ANK2: variants seen among roughly 807,000 people sequenced by gnomAD.
The protein encoded by ANK2 is ankyrin 2.
Under a neutral mutation model 360.5 loss-of-function variants are expected in ANK2, and 83 were observed. The ratio of observed to expected loss-of-function variants is 0.23; its 90% CI spans 0.19 to 0.28. ANK2 has a LOEUF of 0.28. ANK2 is among the 10% of genes least tolerant of loss of function. The probability of loss-of-function intolerance (pLI) is 1.00; values close to 1 mark genes in which losing one functional copy is unlikely to be tolerated. For synonymous variants in ANK2, 1,740 were observed against 1,759.5 expected, an observed-to-expected ratio of 0.99 and a Z score of 0.28; for missense variants, 4,201 against 4,795.7, an observed-to-expected ratio of 0.88 and a Z score of 3.66.
intron 2 of ANK2, among the ~76,000 whole-genome samples, chr4:112,982,054 T>G (rs1303144679): frequency 6.6e-6 from 1 of 152,106 alleles, no homozygotes; most frequent in Non-Finnish European, 1.5e-5. Context: ...CTAGTTAAAC[T>G]GAGACAAGGT....
At chr4:112,737,998 A>C in the ANK2 span, among the ~76,000 whole-genome samples, 1 of 152,226 alleles carries the variant, frequency 6.6e-6, no homozygotes, top group Non-Finnish European at 1.5e-5. Flanking sequence ...CATTCATCTA[A>C]CATAAATATT....
intron 22 of ANK2, among the ~76,000 whole-genome samples, chr4:113,295,714 A>G (rs187734422): frequency 2.6e-5 from 4 of 152,320 alleles, no homozygotes; most frequent in Admixed American, 2.0e-4. Flanking sequence ...TTCTCCTTTC[A>G]GTTAGGACAC....
intron 1 of ANK2, among the ~76,000 whole-genome samples, chr4:113,114,819 C>T (rs539952147): frequency 1.3e-5 from 2 of 152,164 alleles, no homozygotes; most frequent in African/African-American, 4.8e-5. Flanking sequence ...GATAGTGTAT[C>T]AGCAGATTCT....
rs771120428 is a variant in ANK2 at position 113,354,774 on chromosome 4, A to C, written c.6156A>C (p.Arg2052=). 4 of 1,613,912 alleles carry C rather than the reference A, an allele frequency of 2.5e-6. No individual in the cohort carries two copies. The highest frequency in any genetic ancestry group is 3.4e-6 in the Non-Finnish European group (4 of 1,179,986). ...AQKTENQTIK[R]GQRLPVTGTA... The stretch of plus-strand genomic sequence containing the variant: ...AAACAGAGAATCAGACAATCAAACG[A>C]GGCCAGAGACTCCCGGTAACGGGCA... The change falls in exon 38 of 46, where the codon CGA becomes CGC. Residue 2052 remains arginine, a synonymous_variant. Transcript: ENST00000357077.
intron 37 of ANK2, among the ~76,000 whole-genome samples, chr4:113,351,445 A>C (rs557815023): frequency 6.6e-6 from 1 of 152,308 alleles, no homozygotes; most frequent in African/African-American, 2.4e-5. Flanking sequence ...AATTGAACAA[A>C]TTTGTATTGG....
At chr4:113,213,905 A>T in intron 4 of ANK2, 1 of 569,560 alleles carries the variant, frequency 1.8e-6, no homozygotes. Context: ...AAAGAGAAAG[A>T]GAACTATGAA....
chr4:113,049,608 CG>C (rs1439190048), upstream of ANK2: 74 of 1,505,856 alleles, frequency 4.9e-5, no homozygotes, highest in Admixed American at 1.2e-4. Context: ...CCTCCCAGTG[CG>C]CGCCCCTTCC....
rs1444716703 is a variant in ANK2 at position 113,383,555 on chromosome 4, G to A, written c.*2084G>A. ...GTGTTATCAAAAACTTGAATACTGT[G>A]AGAAGAAGTGAATTTTCAGTTGACG... On this transcript the variant is annotated 3_prime_UTR_variant, in exon 46 of 46. Coordinates refer to ENST00000357077, the MANE Select transcript of ANK2 (RefSeq NM_001148.6). 1 of 152,544 alleles carries A rather than the reference G, an allele frequency of 6.6e-6. No homozygotes were observed. The highest frequency in any genetic ancestry group is 2.4e-5 in the African/African-American group (1 of 41,416). The allele number at this position is 152,544 out of a possible 1,614,324, so 9.4% of individuals were successfully genotyped here.
intron 22 of ANK2, among the ~76,000 whole-genome samples, chr4:113,299,966 C>T (rs2074102869): frequency 6.6e-6 from 1 of 151,920 alleles, no homozygotes; most frequent in African/African-American, 2.4e-5. Flanking sequence ...TTAAATGTTT[C>T]TAATAATTGT....
chr4:113,283,759 T>C (rs1445813991), intron 18 of ANK2, among the ~76,000 whole-genome samples: 1 of 152,202 alleles, frequency 6.6e-6, no homozygotes, highest in East Asian at 1.9e-4. Flanking sequence ...TCATTTGATG[T>C]CTTGATGCTT....
chr4:113,103,042 A>G (rs2093128896), intron 1 of ANK2, among the ~76,000 whole-genome samples: 1 of 152,102 alleles, frequency 6.6e-6, no homozygotes, highest in African/African-American at 2.4e-5. Context: ...TCCTCCTTGT[A>G]TTTGCCTAAG....
intron 1 of ANK2, among the ~76,000 whole-genome samples, chr4:113,147,675 T>C (rs13146022): frequency 0.21 from 32,640 of 152,080 alleles, 3,762 homozygotes; most frequent in South Asian, 0.28. Flanking sequence ...AAGCAAAATA[T>C]GTGGTTCTAG....
chr4:113,018,096 A>G (rs536590099), intron 2 of ANK2, among the ~76,000 whole-genome samples: 1 of 152,260 alleles, frequency 6.6e-6, no homozygotes, highest in Non-Finnish European at 1.5e-5. Flanking sequence ...TGTTTAGTGC[A>G]TTAGATTTTT....
chr4:113,320,291 G>A (rs551128788), intron 26 of ANK2, among the ~76,000 whole-genome samples: 20 of 152,264 alleles, frequency 1.3e-4, no homozygotes, highest in African/African-American at 4.8e-4. Context: ...TGAATCTCAA[G>A]CATTTAATAC....
At chr4:112,838,029 ATATGGT>A (rs2061358318) in intron 1 of ANK2, among the ~76,000 whole-genome samples, 1 of 152,130 alleles carries the variant, frequency 6.6e-6, no homozygotes, top group Admixed American at 6.5e-5. Context: ...GGGTAGAATG[ATATGGT>A]TTGGCTCTGT....
the ANK2 span, among the ~76,000 whole-genome samples, chr4:112,786,075 C>G: frequency 6.6e-6 from 1 of 152,036 alleles, no homozygotes; most frequent in Non-Finnish European, 1.5e-5. Flanking sequence ...CTCCTAGCCT[C>G]AAGTGATCCG....
At chr4:112,790,208 T>G in the ANK2 span, among the ~76,000 whole-genome samples, 1 of 152,208 alleles carries the variant, frequency 6.6e-6, no homozygotes, top group African/African-American at 2.4e-5. Context: ...ATTTAGACAT[T>G]TTTGGAAATA....
chr4:112,793,197 T>C, the ANK2 span, among the ~76,000 whole-genome samples: 2 of 152,094 alleles, frequency 1.3e-5, no homozygotes, highest in African/African-American at 2.4e-5. Flanking sequence ...TTAAAACAAA[T>C]TGTAAATAAG....
chr4:113,343,086 C>T lies in ANK2; in HGVS notation c.4192C>T (p.His1398Tyr), dbSNP rs747720677. The change falls in exon 34 of 46, where the codon CAT (histidine) becomes TAT (tyrosine). Residue 1398 changes from histidine to tyrosine, a missense_variant. By Grantham distance (83) the His-to-Tyr change is moderately conservative. Around this residue, in one of 4 missense-constraint regions of ANK2, gnomAD observed 1,268 missense variants for 1,650.8 expected, o/e 0.77. Transcript: ENST00000357077. Reference protein sequence around the residue: ...NLVPLTKSGQHHIFSFFAFKE... With the variant: ...NLVPLTKSGQYHIFSFFAFKE... ...GGTACCATTAACTAAAAGTGGCCAG[C>T]ATCATATATTCAGTTTTTTTGCCTT... 6.8e-6 allele frequency: 11 copies of T among 1,613,606 alleles called. No homozygotes were observed. The South Asian group carries it at 1.1e-4, about 16-fold the overall frequency.
Sources: allele counts gnomAD v4.1 joint callset (sites outside exome capture counted in the v4.1 genomes callset), GRCh38; gene constraint gnomAD v4.1.1; regional missense constraint gnomAD v4.1.1; transcripts MANE v1.5; gene names NCBI Gene and HGNC (gene_info 2026-07-23, HGNC 2026-07-21).